The following GTF2H3 variants were observed in gnomAD, a reference collection of about 807,000 sequenced individuals.
GTF2H3 encodes TFIIH basal transcription factor complex p34 subunit.
Under a neutral mutation model 51.1 loss-of-function variants are expected in GTF2H3, and 42 were observed. That is an observed-to-expected ratio of 0.82 (90% CI 0.64 to 1.06). The LOEUF (loss-of-function observed/expected upper bound fraction) is 1.06. GTF2H3 is among the 50% of genes least tolerant of loss of function. The pLI is 0.00. For missense variants in GTF2H3, 326 were observed against 366.1 expected (o/e 0.89, Z 0.89); for synonymous variants, 123 against 123.8 (o/e 0.99, Z 0.04).
intron 1 of GTF2H3, among the ~76,000 whole-genome samples, chr12:123,635,272 TAAAAA>T (rs952880054): frequency 5.3e-5 from 8 of 151,962 alleles, no homozygotes; most frequent in African/African-American, 1.7e-4. Context: ...GTTTTTCTAT[TAAAAA>T]AGAAAAAAAG....
chr12:123,652,470 T>A (rs907500099), intron 5 of GTF2H3, 62 bp from the exon 6 acceptor site: 382 of 977,194 alleles, frequency 3.9e-4, no homozygotes, highest in Non-Finnish European at 5.1e-4. Flanking sequence ...ATTTTTCTTT[T>A]TACTATAAAT....
At chr12:123,642,232 A>G (rs774695586) in intron 2 of GTF2H3, among the ~76,000 whole-genome samples, 21 of 148,552 alleles carry the variant, frequency 1.4e-4, no homozygotes, top group Admixed American at 4.1e-4. Context: ...GTGCATTGAC[A>G]TGATTTTGGC....
At chr12:123,641,457 C>G (rs925440397) in intron 2 of GTF2H3, among the ~76,000 whole-genome samples, 1 of 151,778 alleles carries the variant, frequency 6.6e-6, no homozygotes, top group South Asian at 2.1e-4. Context: ...AACTCCTGAC[C>G]TCAAGTGATC....
At chr12:123,647,205 C>T (rs1328559297) in intron 3 of GTF2H3, among the ~76,000 whole-genome samples, 1 of 149,608 alleles carries the variant, frequency 6.7e-6, no homozygotes, top group African/African-American at 2.5e-5. Flanking sequence ...CTCGGTGGCT[C>T]ACGCCTGTAA....
intron 2 of GTF2H3, among the ~76,000 whole-genome samples, chr12:123,643,988 G>A (rs1283640311): frequency 2.0e-5 from 3 of 151,952 alleles, no homozygotes; most frequent in African/African-American, 4.8e-5. Flanking sequence ...GTGCCAACAC[G>A]CCCAGCTAAT....
chr12:123,656,563 C>T (rs1417928495), intron 9 of GTF2H3, among the ~76,000 whole-genome samples: 6 of 152,116 alleles, frequency 3.9e-5, no homozygotes, highest in Non-Finnish European at 5.9e-5. Flanking sequence ...CAGAATCAGC[C>T]GTGTACGTAG....
intron 4 of GTF2H3, chr12:123,649,705 A>G (rs377164156): frequency 2.0e-5 from 3 of 152,242 alleles, no homozygotes; most frequent in African/African-American, 7.2e-5. Flanking sequence ...CTGTGGAGAC[A>G]GAAAGTTGGT....
At chr12:123,659,735 T>C (rs1270217735) in intron 10 of GTF2H3, 60 bp from the exon 11 acceptor site, 20 of 1,563,426 alleles carry the variant, frequency 1.3e-5, no homozygotes, top group Admixed American at 1.8e-5. Flanking sequence ...AAGGGTGGGC[T>C]TCATGTTATT....
intron 2 of GTF2H3, chr12:123,640,142 G>C (rs1437141659): frequency 5.9e-6 from 2 of 336,622 alleles, no homozygotes; most frequent in Admixed American, 6.8e-5. Flanking sequence ...TTATGGGAGT[G>C]AGCCACCGCA....
At chr12:123,641,527 G>GTTTTTTTTTTTTTTTTTTTT (rs112546170) in intron 2 of GTF2H3, among the ~76,000 whole-genome samples, 1 of 128,548 alleles carries the variant, frequency 7.8e-6, no homozygotes. Context: ...GTCTGCCCCC[G>GTTTTTTTTTTTTTTTTTTTT]TTTTTTTTTT....
At position 123,639,342 on chromosome 12, in the gene GTF2H3, A is replaced by C. The variant is rs974401038; in HGVS notation, c.92A>C (p.Gln31Pro). ...WWGKQALKES[Q>P]FTLSKCIDAV... ...GGAAAGCAAGCATTAAAGGAATCTC[A>C]GGTAAGACTGCTTGAGGAGGCCTTT... The change falls in exon 2 of 13, where the codon CAG (glutamine) becomes CCG (proline). Residue 31 changes from glutamine (Q) to proline (P), a missense_variant and splice_region_variant. Physicochemically the swap from Gln to Pro is moderately conservative, Grantham distance 76. Transcript: ENST00000543341. 13 of 1,524,084 alleles carry C rather than the reference A, an allele frequency of 8.5e-6. No individual in the cohort carries two copies. The highest frequency in any genetic ancestry group is 1.2e-5 in the Non-Finnish European group (13 of 1,098,186). 94.4% of individuals were successfully genotyped at this position (1,524,084 alleles called of 1,614,324 possible).
Position 123,651,027 on chromosome 12 carries a change from T to C in GTF2H3, c.398T>C (p.Leu133Pro). The change falls in exon 5 of 13, where the codon CTG becomes CCG. Residue 133 changes from leucine (L) to proline (P), a missense_variant. By Grantham distance (98) the Leu-to-Pro change is moderately conservative. Coordinates refer to ENST00000543341, the MANE Select transcript of GTF2H3 (RefSeq NM_001516.5). ...AAGGGTCAACATACAGAAACTTTGC[T>C]GGCAGGATCCCTGGCCAAAGCCCTT... is the stretch of plus-strand genomic sequence containing the variant. ...DIKGQHTETLLAGSLAKALCY... is the reference protein window; with the variant it reads ...DIKGQHTETLPAGSLAKALCY... The C allele has an allele frequency of 6.2e-7, 1 of 1,613,286 alleles. No homozygotes were observed. The highest frequency in any genetic ancestry group is 8.5e-7 in the Non-Finnish European group (1 of 1,179,262).
At chr12:123,657,781 C>T (rs950708412) in intron 9 of GTF2H3, among the ~76,000 whole-genome samples, 2 of 152,194 alleles carry the variant, frequency 1.3e-5, no homozygotes, top group Admixed American at 6.5e-5. Context: ...ATGAATCTAA[C>T]GGACCAACTG....
chr12:123,658,058 A>T (rs969922281), intron 9 of GTF2H3, among the ~76,000 whole-genome samples: 1 of 152,044 alleles, frequency 6.6e-6, no homozygotes, highest in African/African-American at 2.4e-5. Context: ...TTTTATTTTT[A>T]TTTTATTTTA....
intron 1 of GTF2H3, among the ~76,000 whole-genome samples, chr12:123,637,226 G>A (rs1447784451): frequency 6.6e-6 from 1 of 152,066 alleles, no homozygotes; most frequent in Non-Finnish European, 1.5e-5. Flanking sequence ...ACCTAACACT[G>A]GTAGTGTGAA....
At chr12:123,639,705 T>C (rs779768118) in intron 2 of GTF2H3, among the ~76,000 whole-genome samples, 16 of 152,206 alleles carry the variant, frequency 1.1e-4, no homozygotes, top group South Asian at 2.1e-4. Context: ...TATTTTGAAA[T>C]ATTTTATTTT....
chr12:123,655,841 T>C lies in GTF2H3; in HGVS notation c.615+17T>C. 6.5e-7 allele frequency: 1 copy of C among 1,546,306 alleles called. No homozygotes were observed. Among genetic ancestry groups the C allele is most frequent in the Admixed American group, 1.7e-5 (1 of 59,384 alleles). ...CTCCAACAGGTATGTTTTAAAACCA[T>C]GCTTTGTGTCGGTGGTTATGACAAT... On this transcript the variant is annotated intron_variant, in intron 9 of 12. Coordinates refer to ENST00000543341, the MANE Select transcript of GTF2H3 (RefSeq NM_001516.5).
chr12:123,659,090 C>T (rs893902885), intron 9 of GTF2H3, among the ~76,000 whole-genome samples: 4 of 152,226 alleles, frequency 2.6e-5, no homozygotes, highest in African/African-American at 7.2e-5. Context: ...TTGGATCCCT[C>T]CTACATTGCT....
At chr12:123,645,259 A>G (rs574002111) in intron 2 of GTF2H3, among the ~76,000 whole-genome samples, 196 bp from the exon 3 acceptor site, 3 of 151,948 alleles carry the variant, frequency 2.0e-5, no homozygotes, top group Non-Finnish European at 4.4e-5. Flanking sequence ...TTATAGAGCT[A>G]AGGTTTCATT....
Sources: gnomAD v4.1 joint callset for allele counts (sites outside exome capture counted in the v4.1 genomes callset) on GRCh38, gnomAD v4.1.1 for gene constraint, MANE v1.5 for transcripts, NCBI Gene and HGNC (gene_info 2026-07-23, HGNC 2026-07-21) for gene names.